NRG3: variants seen among roughly 807,000 people sequenced by gnomAD.
NRG3 encodes neuregulin 3, also known as pro-neuregulin-3, membrane-bound isoform.
In NRG3, 31 loss-of-function variants were observed where a neutral mutation model predicts 66.9. The ratio of observed to expected loss-of-function variants is 0.46; its 90% confidence interval spans 0.35 to 0.63. The LOEUF is 0.63. NRG3 is among the 20% of genes least tolerant of loss of function. The pLI is 0.00. For synonymous variants in NRG3, 393 were observed against 359.4 expected (o/e 1.09, Z -1.06); for missense variants, 910 against 878.9 (o/e 1.04, Z -0.45).
intron 1 of NRG3, among the ~76,000 whole-genome samples, chr10:82,338,980 G>A (rs1485381165): frequency 6.6e-6 from 1 of 152,162 alleles, no homozygotes; most frequent in Non-Finnish European, 1.5e-5. Context: ...TTTTGCTTAA[G>A]ATGACACCAA....
intron 1 of NRG3, among the ~76,000 whole-genome samples, chr10:82,163,425 A>G (rs2132982111): frequency 6.6e-6 from 1 of 152,332 alleles, no homozygotes; most frequent in Admixed American, 6.5e-5. Context: ...ACAAAGAAGG[A>G]GATAAAAATC....
chr10:81,951,152 T>C (rs1417922970), intron 1 of NRG3, among the ~76,000 whole-genome samples: 1 of 152,100 alleles, frequency 6.6e-6, no homozygotes, highest in Non-Finnish European at 1.5e-5. Flanking sequence ...ACGTTTCTGA[T>C]CTCCATATGT....
rs570177375 is a variant in NRG3 at position 81,938,648 on chromosome 10, T to G, written c.823+62485T>G. On this transcript the variant is annotated intron_variant, in intron 1 of 8. Transcript: ENST00000372141. ...GTGTGTGTGTGTGTGTGTGCATGCA[T>G]GCATGCATGCAAAAATTTTAAGGTT... Among the ~76,000 whole-genome samples, 3 of 125,550 alleles carry G rather than the reference T, an allele frequency of 2.4e-5. No individual in the cohort carries two copies. In the South Asian group the frequency reaches 9.1e-4, roughly 38 times the overall value. The allele number at this position is 125,550 out of a possible 152,430, so 82.4% of individuals were successfully genotyped here.
chr10:82,709,170 G>A (rs1422067470), intron 2 of NRG3, among the ~76,000 whole-genome samples: 1 of 152,068 alleles, frequency 6.6e-6, no homozygotes, highest in Non-Finnish European at 1.5e-5. Flanking sequence ...TTTAGTCAAC[G>A]GAATTAAATA....
intron 3 of NRG3, among the ~76,000 whole-genome samples, chr10:82,804,490 C>T (rs1398971367): frequency 3.9e-5 from 6 of 152,094 alleles, no homozygotes; most frequent in African/African-American, 1.4e-4. Flanking sequence ...TTCTGGCATC[C>T]ACAGGGGGTC....
At chr10:82,860,972 G>A (rs2135918249) in intron 3 of NRG3, among the ~76,000 whole-genome samples, 1 of 152,276 alleles carries the variant, frequency 6.6e-6, no homozygotes, top group East Asian at 1.9e-4. Context: ...GAGAAATAGT[G>A]CGATTTATGA....
At chr10:82,552,850 A>G (rs2044405675) in intron 2 of NRG3, among the ~76,000 whole-genome samples, 1 of 152,160 alleles carries the variant, frequency 6.6e-6, no homozygotes, top group African/African-American at 2.4e-5. Context: ...GTGCCTCATA[A>G]GAGACAAAGA....
At chr10:81,901,812 A>G (rs1844104394) in intron 1 of NRG3, among the ~76,000 whole-genome samples, 1 of 152,204 alleles carries the variant, frequency 6.6e-6, no homozygotes, top group African/African-American at 2.4e-5. Context: ...ATGAGGAGAG[A>G]TTGTGGGACT....
intron 1 of NRG3, among the ~76,000 whole-genome samples, chr10:82,195,939 G>A (rs944464406): frequency 3.9e-5 from 6 of 152,192 alleles, no homozygotes; most frequent in Non-Finnish European, 5.9e-5. Context: ...GTCTCCAAAC[G>A]GAGCACAGCT....
At chr10:82,914,297 C>T (rs1169495973) in intron 4 of NRG3, among the ~76,000 whole-genome samples, 2 of 152,054 alleles carry the variant, frequency 1.3e-5, no homozygotes, top group Non-Finnish European at 2.9e-5. Context: ...GATTTTGATT[C>T]TCCCTTTGTC....
At chr10:82,302,394 G>A (rs1240996247) in intron 1 of NRG3, among the ~76,000 whole-genome samples, 1 of 152,044 alleles carries the variant, frequency 6.6e-6, no homozygotes, top group African/African-American at 2.4e-5. Flanking sequence ...ATTGTTAATA[G>A]TGCAGATTTA....
intron 1 of NRG3, among the ~76,000 whole-genome samples, chr10:82,151,424 C>T (rs139056527): frequency 1.8e-4 from 27 of 152,280 alleles, no homozygotes; most frequent in African/African-American, 6.3e-4. Flanking sequence ...GCAGAGCACA[C>T]GAGGATGAAA....
intron 1 of NRG3, among the ~76,000 whole-genome samples, chr10:82,320,873 G>A (rs1002256496): frequency 5.3e-5 from 8 of 152,126 alleles, no homozygotes; most frequent in Non-Finnish European, 7.3e-5. Flanking sequence ...GCTATACTTT[G>A]CTCATATAAA....
intron 2 of NRG3, among the ~76,000 whole-genome samples, chr10:82,452,915 T>G (rs569384123): frequency 1.2e-3 from 182 of 152,272 alleles, no homozygotes; most frequent in Admixed American, 1.8e-3. Flanking sequence ...TCCACGTTTC[T>G]GTGGCCAACA....
At chr10:82,656,824 C>T (rs2051903865) in intron 2 of NRG3, among the ~76,000 whole-genome samples, 1 of 152,064 alleles carries the variant, frequency 6.6e-6, no homozygotes, top group Admixed American at 6.6e-5. Flanking sequence ...ATAACAACCC[C>T]CTCAAAATTG....
intron 4 of NRG3, among the ~76,000 whole-genome samples, chr10:82,903,584 A>T (rs1844443547): frequency 6.6e-6 from 1 of 152,162 alleles, no homozygotes. Flanking sequence ...TTGTAAACAG[A>T]TGACATAAAC....
chr10:82,462,725 G>A (rs919539603), intron 2 of NRG3, among the ~76,000 whole-genome samples: 1 of 152,210 alleles, frequency 6.6e-6, no homozygotes, highest in Non-Finnish European at 1.5e-5. Context: ...GTGGATAGCA[G>A]TGCCATTCTC....
At chr10:82,954,414 A>G (rs1422513370) in intron 5 of NRG3, among the ~76,000 whole-genome samples, 1 of 151,796 alleles carries the variant, frequency 6.6e-6, no homozygotes, top group Non-Finnish European at 1.5e-5. Flanking sequence ...CTCAGTGAGG[A>G]GTCAAAGTGT....
At chr10:82,481,019 CT>C (rs1842223132) in intron 2 of NRG3, among the ~76,000 whole-genome samples, 1 of 152,206 alleles carries the variant, frequency 6.6e-6, no homozygotes, top group Admixed American at 6.5e-5. Context: ...TCATCTTCCT[CT>C]TTTCCCACTG....
Sources: allele counts gnomAD v4.1 joint callset (sites outside exome capture counted in the v4.1 genomes callset), GRCh38; gene constraint gnomAD v4.1.1; transcripts MANE v1.5; gene names NCBI Gene and HGNC (gene_info 2026-07-23, HGNC 2026-07-21).